Variants in TENM4 observed in about 807,000 individuals in gnomAD.
TENM4 encodes the protein teneurin-4.
Under a neutral mutation model 243.3 loss-of-function variants are expected in TENM4, and 82 were observed. The observed-to-expected ratio is 0.34, with a 90% CI of 0.28 to 0.40. TENM4 has a LOEUF of 0.40. Among genes scored for constraint, TENM4 ranks in the 10% least tolerant of loss-of-function variants. TENM4 has a pLI of 1.00. For synonymous variants in TENM4, 1,412 were observed against 1,456.3 expected, an observed-to-expected ratio of 0.97 and a Z score of 0.69; for missense variants, 3,138 against 3,673.3, an observed-to-expected ratio of 0.85 and a Z score of 3.77.
intron 2 of TENM4, among the ~76,000 whole-genome samples, chr11:79,285,711 C>T (rs1856238227): frequency 6.6e-6 from 1 of 150,886 alleles, no homozygotes; most frequent in African/African-American, 2.4e-5. Flanking sequence ...TGATTCATGC[C>T]TAACATGGAT....
chr11:78,756,447 G>A, intron 19 of TENM4: 1 of 256,754 alleles, frequency 3.9e-6, no homozygotes, highest in Non-Finnish European at 7.6e-6. Flanking sequence ...TCTGCTTTGA[G>A]GGTGAGCAGC....
chr11:78,809,636 C>T (rs1021764684), intron 14 of TENM4, among the ~76,000 whole-genome samples: 2 of 152,104 alleles, frequency 1.3e-5, no homozygotes, highest in African/African-American at 4.8e-5. Context: ...AAGCGGCCAG[C>T]TTGGGGTGGA....
At chr11:79,275,472 G>T (rs879465182) in intron 2 of TENM4, among the ~76,000 whole-genome samples, 4 of 152,338 alleles carry the variant, frequency 2.6e-5, no homozygotes, top group Middle Eastern at 3.4e-3. Context: ...AGAAGACACT[G>T]CTGCCCTGCG....
At chr11:79,228,413 T>C (rs1209356205) in intron 2 of TENM4, among the ~76,000 whole-genome samples, 2 of 152,150 alleles carry the variant, frequency 1.3e-5, no homozygotes, top group African/African-American at 2.4e-5. Context: ...AGCAGGGCTG[T>C]TAATGAACTG....
At chr11:78,837,921 GC>G (rs1858155123) in intron 12 of TENM4, among the ~76,000 whole-genome samples, 1 of 152,114 alleles carries the variant, frequency 6.6e-6, no homozygotes, top group Non-Finnish European at 1.5e-5. Context: ...TAAGTGTGCA[GC>G]TTTTCCTAGG....
chr11:78,835,767 A>T (rs542326700), intron 12 of TENM4, among the ~76,000 whole-genome samples: 12 of 152,166 alleles, frequency 7.9e-5, no homozygotes, highest in African/African-American at 2.9e-4. Context: ...CAATTAGGTT[A>T]GCACCCCTTG....
intron 1 of TENM4, among the ~76,000 whole-genome samples, chr11:79,376,572 A>G (rs1012609405): frequency 5.9e-5 from 9 of 152,322 alleles, no homozygotes; most frequent in Admixed American, 5.9e-4. Context: ...CCCTTGACCT[A>G]TCTATGAGCT....
intron 4 of TENM4, among the ~76,000 whole-genome samples, chr11:79,103,999 C>T (rs750855670): frequency 5.3e-5 from 8 of 152,178 alleles, no homozygotes; most frequent in African/African-American, 9.7e-5. Context: ...TTTGTGTTAG[C>T]TGTTTCTTCT....
At chr11:78,976,943 A>T (rs1329797454) in intron 6 of TENM4, among the ~76,000 whole-genome samples, 1 of 152,202 alleles carries the variant, frequency 6.6e-6, no homozygotes, top group African/African-American at 2.4e-5. Flanking sequence ...TAGCTCCGTA[A>T]CAGGAATCAC....
chr11:78,701,746 C>T lies in TENM4; in HGVS notation c.4867G>A (p.Asp1623Asn). 1 of 1,614,002 alleles carries T rather than the reference C, an allele frequency of 6.2e-7. No homozygotes were observed. Among genetic ancestry groups the T allele is most frequent in the Non-Finnish European group, 8.5e-7 (1 of 1,179,892 alleles). Reference protein sequence around the residue: ...TGDGDITLITDNNGNMVNVRR... With the variant: ...TGDGDITLITNNNGNMVNVRR... ...ACATTTACCATGTTGCCATTGTTGT[C>T]TGTGATGAGTGTGATGTCGCCGTCC... Residue 1623 changes from aspartate to asparagine, a missense_variant, in exon 28 of 34, where the codon GAC becomes AAC. Asp to Asn is a conservative substitution (Grantham distance 23). Transcript: ENST00000278550.
intron 6 of TENM4, among the ~76,000 whole-genome samples, chr11:78,972,869 A>G (rs1466818181): frequency 6.6e-6 from 1 of 152,208 alleles, no homozygotes; most frequent in African/African-American, 2.4e-5. Context: ...GCAATCACTC[A>G]TCTACTTTCT....
intron 4 of TENM4, among the ~76,000 whole-genome samples, chr11:79,134,407 A>T (rs1862069321): frequency 6.6e-6 from 1 of 152,184 alleles, no homozygotes; most frequent in African/African-American, 2.4e-5. Context: ...ATATTGTGAA[A>T]ATGATCATAC....
intron 6 of TENM4, among the ~76,000 whole-genome samples, chr11:78,992,682 T>C (rs1457375581): frequency 6.6e-6 from 1 of 152,216 alleles, no homozygotes; most frequent in African/African-American, 2.4e-5. Flanking sequence ...TGGGAATATA[T>C]GATTAAGAAA....
chr11:79,179,512 A>ATATGGAAGAAACT (rs776530269), intron 3 of TENM4, among the ~76,000 whole-genome samples: 1 of 152,000 alleles, frequency 6.6e-6, no homozygotes, highest in South Asian at 2.1e-4. Context: ...CCTTCAAAAC[A>ATATGGAAGAAACT]AGATGATTAA....
At chr11:78,910,748 A>AG (rs980488976) in intron 6 of TENM4, among the ~76,000 whole-genome samples, 1 of 152,256 alleles carries the variant, frequency 6.6e-6, no homozygotes, top group African/African-American at 2.4e-5. Flanking sequence ...ACATGAGGCT[A>AG]GGGGTCACAC....
intron 19 of TENM4, chr11:78,756,556 A>T (rs1856309617): frequency 2.1e-6 from 1 of 481,340 alleles, no homozygotes. Context: ...TTGGTTTCTC[A>T]CTGTCTTCAT....
chr11:79,178,102 A>G (rs1287346290), intron 3 of TENM4, among the ~76,000 whole-genome samples: 1 of 152,160 alleles, frequency 6.6e-6, no homozygotes, highest in Non-Finnish European at 1.5e-5. Context: ...AGAACTGAAG[A>G]TATCTGCTGA....
intron 1 of TENM4, among the ~76,000 whole-genome samples, chr11:79,390,804 C>A (rs540001319): frequency 6.6e-6 from 1 of 152,242 alleles, no homozygotes; most frequent in Non-Finnish European, 1.5e-5. Context: ...ATGTCCTCCA[C>A]TGCTGAGCCT....
chr11:79,192,668 T>A (rs1863541185), intron 3 of TENM4, among the ~76,000 whole-genome samples: 1 of 152,074 alleles, frequency 6.6e-6, no homozygotes, highest in Admixed American at 6.6e-5. Flanking sequence ...CACTTGTTTG[T>A]CTGCTGACCT....
Sources: allele counts gnomAD v4.1 joint callset (sites outside exome capture counted in the v4.1 genomes callset), GRCh38; gene constraint gnomAD v4.1.1; transcripts MANE v1.5; gene names NCBI Gene and HGNC (gene_info 2026-07-23, HGNC 2026-07-21).